The following CPLX1 variants were observed in gnomAD, a reference collection of about 807,000 sequenced individuals.
The protein encoded by CPLX1 is complexin-1.
Under a neutral mutation model 15.6 loss-of-function variants are expected in CPLX1, and 6 were observed. That is an observed-to-expected ratio of 0.39 (90% confidence interval 0.21 to 0.76). The LOEUF is 0.76. Ranked by LOEUF, CPLX1 falls within the 30% of genes least tolerant of loss-of-function variation. The probability of loss-of-function intolerance (pLI) is 0.43; values close to 1 mark genes in which losing one functional copy is unlikely to be tolerated. For missense variants in CPLX1, 242 were observed against 188.6 expected (o/e 1.28, Z -1.66); for synonymous variants, 91 against 75.2 (o/e 1.21, Z -1.08).
intron 2 of CPLX1, chr4:804,752 G>A (rs1746521804): frequency 1.0e-6 from 1 of 985,454 alleles, no homozygotes; most frequent in Non-Finnish European, 1.2e-6. Flanking sequence ...AAGTGAAAAC[G>A]CACCTTGCGG....
At chr4:811,394 C>A (rs1219102210) in intron 2 of CPLX1, among the ~76,000 whole-genome samples, 1 of 152,136 alleles carries the variant, frequency 6.6e-6, no homozygotes, top group African/African-American at 2.4e-5. Flanking sequence ...AATCCTTCCT[C>A]CTTAGCCTCG....
chr4:790,769 G>A (rs532445167), intron 3 of CPLX1, among the ~76,000 whole-genome samples: 1 of 152,120 alleles, frequency 6.6e-6, no homozygotes, highest in Admixed American at 6.5e-5. Context: ...TCCCTCAGCT[G>A]CTACCCACTG....
rs1207294688 is a variant in CPLX1 at position 790,274 on chromosome 4, G to A, written c.207+2159C>T. On this transcript the variant is annotated intron_variant, in intron 3 of 3. Coordinates refer to ENST00000304062, the MANE Select transcript of CPLX1 (RefSeq NM_006651.4). ...GGCTGTTCTTGTGGGCAAGTGTGTG[G>A]CCTCAATCCCTGCCACCTGCTGTTC... Among the ~76,000 whole-genome samples, 2 of 152,206 alleles carry A rather than the reference G, an allele frequency of 1.3e-5. 1 individual carries two copies. The highest frequency in any genetic ancestry group is 4.1e-4 in the South Asian group (2 of 4,830).
chr4:821,852 C>G (rs74469192), intron 2 of CPLX1, among the ~76,000 whole-genome samples: 12,384 of 152,242 alleles, frequency 0.081, 602 homozygotes, highest in East Asian at 0.22. Flanking sequence ...CTGGGCCACT[C>G]ACTCCTCAGC....
chr4:810,644 A>T (rs1746650802), intron 2 of CPLX1, among the ~76,000 whole-genome samples: 1 of 151,208 alleles, frequency 6.6e-6, no homozygotes, highest in African/African-American at 2.4e-5. Context: ...TAATTCCCGT[A>T]TCTTCTTTGG....
At chr4:789,045 G>A (rs188557376) in intron 3 of CPLX1, among the ~76,000 whole-genome samples, 1 of 152,318 alleles carries the variant, frequency 6.6e-6, no homozygotes, top group Admixed American at 6.5e-5. Context: ...TGGGACACTC[G>A]GAGCTTGGCC....
At chr4:807,254 C>A (rs757082339) in intron 2 of CPLX1, among the ~76,000 whole-genome samples, 1 of 152,128 alleles carries the variant, frequency 6.6e-6, no homozygotes, top group Non-Finnish European at 1.5e-5. Flanking sequence ...TGTTCTCACT[C>A]GTAAGTGGGA....
chr4:817,363 G>T (rs1301623950), intron 2 of CPLX1, among the ~76,000 whole-genome samples: 1 of 151,214 alleles, frequency 6.6e-6, no homozygotes, highest in Non-Finnish European at 1.5e-5. Flanking sequence ...AGACCAGCCT[G>T]GGCAACACAG....
At chr4:816,498 A>G (rs916985667) in intron 2 of CPLX1, among the ~76,000 whole-genome samples, 1 of 152,048 alleles carries the variant, frequency 6.6e-6, no homozygotes, top group African/African-American at 2.4e-5. Context: ...GATTACAGGC[A>G]TAAGCCACTG....
intron 2 of CPLX1, among the ~76,000 whole-genome samples, chr4:808,201 G>A (rs1481484991): frequency 1.3e-5 from 2 of 152,014 alleles, no homozygotes; most frequent in Non-Finnish European, 2.9e-5. Flanking sequence ...TCTGGGAGGT[G>A]GAGGTTGCAG....
chr4:824,692 G>C (rs770361371), intron 1 of CPLX1, 91 bp from the exon 2 acceptor site: 9 of 761,898 alleles, frequency 1.2e-5, no homozygotes, highest in Non-Finnish European at 2.1e-5. Flanking sequence ...GCAATACCTT[G>C]TGGGCTGGAC....
At chr4:824,974 C>CCG (rs1473195742) in intron 1 of CPLX1, 1 of 359,918 alleles carries the variant, frequency 2.8e-6, no homozygotes, top group Non-Finnish European at 5.5e-6. Flanking sequence ...CGCGGTGGTC[C>CCG]CGAGCCCAGG....
At chr4:819,656 C>T (rs566559725) in intron 2 of CPLX1, among the ~76,000 whole-genome samples, 6 of 138,144 alleles carry the variant, frequency 4.3e-5, no homozygotes, top group African/African-American at 1.3e-4. Flanking sequence ...CACTGTGGGA[C>T]GCCTGCCCAA....
chr4:804,878 G>A (rs1746525796), intron 2 of CPLX1: 2 of 985,166 alleles, frequency 2.0e-6, no homozygotes, highest in East Asian at 1.1e-4. Context: ...GGCGGCGGCA[G>A]CCATTTTGGA....
At chr4:793,345 G>C (rs1746241153) in intron 2 of CPLX1, among the ~76,000 whole-genome samples, 1 of 152,106 alleles carries the variant, frequency 6.6e-6, no homozygotes, top group Admixed American at 6.5e-5. Context: ...TGGGGCTGCA[G>C]GGGACCGCTT....
At chr4:822,928 C>A (rs1256651884) in intron 2 of CPLX1, among the ~76,000 whole-genome samples, 1 of 152,210 alleles carries the variant, frequency 6.6e-6, no homozygotes, top group Non-Finnish European at 1.5e-5. Context: ...AGCGTGGAGC[C>A]CCCCCAGGGT....
At chr4:793,130 G>A (rs1048116083) in intron 2 of CPLX1, among the ~76,000 whole-genome samples, 1 of 152,206 alleles carries the variant, frequency 6.6e-6, no homozygotes, top group African/African-American at 2.4e-5. Context: ...GGGTTGAAGC[G>A]TCTTCTCTGG....
chr4:824,445 T>G (rs1746934780), intron 2 of CPLX1, 47 bp downstream of exon 2: 1 of 1,557,100 alleles, frequency 6.4e-7, no homozygotes, highest in Non-Finnish European at 8.9e-7. Flanking sequence ...TGTGGTGGTC[T>G]CTCCATGTCC....
At chr4:813,752 T>C (rs1207324265) in intron 2 of CPLX1, among the ~76,000 whole-genome samples, 2 of 152,158 alleles carry the variant, frequency 1.3e-5, no homozygotes, top group East Asian at 1.9e-4. Context: ...AATCCATTTC[T>C]GGGGAGATGG....
Sources: allele counts gnomAD v4.1 joint callset (sites outside exome capture counted in the v4.1 genomes callset), GRCh38; gene constraint gnomAD v4.1.1; transcripts MANE v1.5; gene names NCBI Gene and HGNC (gene_info 2026-07-23, HGNC 2026-07-21).